CNTNAP5: variants seen among roughly 807,000 people sequenced by gnomAD.
CNTNAP5 encodes contactin-associated protein-like 5.
CNTNAP5 carries 72 observed loss-of-function variants against 150.2 expected under a neutral mutation model. The ratio of observed to expected loss-of-function variants is 0.48; its 90% CI spans 0.40 to 0.58. The LOEUF (loss-of-function observed/expected upper bound fraction) is 0.58. Among genes scored for constraint, CNTNAP5 ranks in the 20% least tolerant of loss-of-function variants. The probability of loss-of-function intolerance (pLI) is 0.00; values close to 1 mark genes in which losing one functional copy is unlikely to be tolerated. For missense variants in CNTNAP5, 1,636 were observed against 1,626.2 expected, an observed-to-expected ratio of 1.01 and a Z score of -0.10; for synonymous variants, 672 against 619.8, an observed-to-expected ratio of 1.08 and a Z score of -1.25.
At chr2:124,837,389 A>C (rs983033271) in intron 19 of CNTNAP5, among the ~76,000 whole-genome samples, 1 of 152,124 alleles carries the variant, frequency 6.6e-6, no homozygotes, top group Non-Finnish European at 1.5e-5. Flanking sequence ...AAGGTTCAAA[A>C]CATGGACTAC....
At chr2:124,188,273 G>A (rs1051009300) in intron 1 of CNTNAP5, among the ~76,000 whole-genome samples, 2 of 152,132 alleles carry the variant, frequency 1.3e-5, no homozygotes, top group African/African-American at 4.8e-5. Context: ...TAGTAACAAG[G>A]TTTATGAATC....
intron 22 of CNTNAP5, among the ~76,000 whole-genome samples, chr2:124,906,764 A>G (rs542841333): frequency 2.6e-5 from 4 of 152,234 alleles, no homozygotes; most frequent in Admixed American, 2.6e-4. Context: ...ATTTCTATCT[A>G]TCTACTCTTC....
intron 3 of CNTNAP5, among the ~76,000 whole-genome samples, chr2:124,335,227 C>A (rs1173581428): frequency 2.0e-5 from 3 of 152,094 alleles, no homozygotes; most frequent in Non-Finnish European, 2.9e-5. Flanking sequence ...ACTAACCAGG[C>A]AACCGAAGTT....
intron 3 of CNTNAP5, among the ~76,000 whole-genome samples, chr2:124,290,600 C>G (rs527837447): frequency 6.6e-6 from 1 of 152,350 alleles, no homozygotes; most frequent in South Asian, 2.1e-4. Flanking sequence ...CTAATGCTCT[C>G]ACCGAACAGA....
At chr2:124,573,274 T>C (rs1390039776) in intron 11 of CNTNAP5, among the ~76,000 whole-genome samples, 3 of 152,234 alleles carry the variant, frequency 2.0e-5, no homozygotes, top group Non-Finnish European at 2.9e-5. Context: ...ATTTTCTTCC[T>C]TTTGAATACA....
intron 1 of CNTNAP5, among the ~76,000 whole-genome samples, chr2:124,081,725 G>A (rs1682561196): frequency 1.3e-5 from 2 of 152,136 alleles, no homozygotes; most frequent in African/African-American, 4.8e-5. Flanking sequence ...AGGAGGACTA[G>A]CATAAGGCAA....
chr2:124,346,154 G>C (rs895176389), intron 3 of CNTNAP5, among the ~76,000 whole-genome samples: 1 of 152,116 alleles, frequency 6.6e-6, no homozygotes, highest in African/African-American at 2.4e-5. Context: ...ACACTCACTT[G>C]CTTACTTAAA....
At chr2:124,315,237 AG>A (rs1688934895) in intron 3 of CNTNAP5, among the ~76,000 whole-genome samples, 1 of 152,208 alleles carries the variant, frequency 6.6e-6, no homozygotes. Flanking sequence ...CTGAGGTTAC[AG>A]GGCATGAGCC....
chr2:124,025,385 G>A lies in CNTNAP5; in HGVS notation c.-266G>A. The stretch of plus-strand genomic sequence containing the variant: ...TTTGGATTTGCACCGTTAAGGAGGG[G>A]GGAAGAGAAGGAAGAGGCGGGCGAG... On this transcript the variant is annotated 5_prime_UTR_variant, in exon 1 of 24. Coordinates refer to ENST00000682447, the MANE Select transcript of CNTNAP5 (RefSeq NM_001367498.1). The A allele has an allele frequency of 1.9e-6, 1 of 529,202 alleles. No homozygotes were observed. Among genetic ancestry groups the A allele is most frequent in the Non-Finnish European group, 3.4e-6 (1 of 291,584 alleles). 32.8% of individuals were successfully genotyped at this position (529,202 alleles called of 1,614,324 possible). A position where few individuals can be genotyped will look rare whatever the true frequency, so the allele number is the denominator to read the frequency against.
intron 1 of CNTNAP5, among the ~76,000 whole-genome samples, chr2:124,040,439 C>T (rs1460344497): frequency 6.6e-6 from 1 of 152,226 alleles, no homozygotes; most frequent in African/African-American, 2.4e-5. Flanking sequence ...CAGGAAGAGA[C>T]ATAAAATTAC....
At chr2:124,409,608 T>G (rs1196251155) in intron 3 of CNTNAP5, among the ~76,000 whole-genome samples, 1 of 112,394 alleles carries the variant, frequency 8.9e-6, no homozygotes, top group Non-Finnish European at 1.8e-5. Flanking sequence ...CAACCCAGAA[T>G]TTCATATCCA....
chr2:124,749,290 G>T (rs922640519), intron 14 of CNTNAP5, among the ~76,000 whole-genome samples: 1 of 152,048 alleles, frequency 6.6e-6, no homozygotes, highest in African/African-American at 2.4e-5. Context: ...AGCTAGAATA[G>T]GTAGAAGTGC....
At chr2:124,266,361 A>G (rs1476080911) in intron 3 of CNTNAP5, among the ~76,000 whole-genome samples, 1 of 152,220 alleles carries the variant, frequency 6.6e-6, no homozygotes, top group African/African-American at 2.4e-5. Flanking sequence ...GATGAAATCA[A>G]CCACATGGCA....
chr2:124,548,486 T>C (rs183520614), intron 10 of CNTNAP5, among the ~76,000 whole-genome samples: 9 of 152,302 alleles, frequency 5.9e-5, no homozygotes, highest in Non-Finnish European at 1.5e-5. Flanking sequence ...GAAATTTAAA[T>C]GAACAAAGAT....
chr2:124,531,831 G>T (rs1402940857), intron 10 of CNTNAP5, among the ~76,000 whole-genome samples: 1 of 152,112 alleles, frequency 6.6e-6, no homozygotes, highest in African/African-American at 2.4e-5. Context: ...AAAAGCTGAT[G>T]CAAAATTAAT....
chr2:124,064,381 TC>T (rs1044161893), intron 1 of CNTNAP5, among the ~76,000 whole-genome samples: 1 of 152,102 alleles, frequency 6.6e-6, no homozygotes, highest in African/African-American at 2.4e-5. Flanking sequence ...TTGCCTTTTT[TC>T]CCCTCATTAG....
intron 19 of CNTNAP5, among the ~76,000 whole-genome samples, chr2:124,831,382 T>C (rs1682713520): frequency 6.6e-6 from 1 of 151,926 alleles, no homozygotes. Context: ...TCCATTCATA[T>C]ACATTCTTCA....
At chr2:124,194,004 T>A (rs1462916223) in intron 1 of CNTNAP5, among the ~76,000 whole-genome samples, 1 of 152,130 alleles carries the variant, frequency 6.6e-6, no homozygotes, top group Non-Finnish European at 1.5e-5. Flanking sequence ...AGTGACCTAA[T>A]CAACCTTAGC....
At chr2:124,744,551 G>A (rs192842028) in intron 13 of CNTNAP5, among the ~76,000 whole-genome samples, 376 of 152,062 alleles carry the variant, frequency 2.5e-3, no homozygotes, top group African/African-American at 8.5e-3. Flanking sequence ...CTTTATTTTG[G>A]TATGTTTTCT....
Sources: allele counts gnomAD v4.1 joint callset (sites outside exome capture counted in the v4.1 genomes callset), GRCh38; gene constraint gnomAD v4.1.1; transcripts MANE v1.5; gene names NCBI Gene and HGNC (gene_info 2026-07-23, HGNC 2026-07-21).